The following SIK3 variants were observed in gnomAD, a reference collection of about 807,000 sequenced individuals.
The protein encoded by SIK3 is serine/threonine-protein kinase SIK3.
SIK3 carries 28 observed loss-of-function variants against 144.2 expected under a neutral mutation model. That is an observed-to-expected ratio of 0.19 (90% CI 0.14 to 0.27). The LOEUF (loss-of-function observed/expected upper bound fraction) is 0.27, where lower values mean the gene tolerates loss of function less well. Ranked by LOEUF, SIK3 falls within the 10% of genes least tolerant of loss-of-function variation. SIK3 has a pLI of 1.00. For synonymous variants in SIK3, 686 were observed against 676.3 expected, an observed-to-expected ratio of 1.01 and a Z score of -0.22; for missense variants, 1,319 against 1,776.0, an observed-to-expected ratio of 0.74 and a Z score of 4.62.
intron 1 of SIK3, among the ~76,000 whole-genome samples, chr11:117,013,951 T>TGTG (rs1350690829): frequency 5.2e-5 from 5 of 95,344 alleles, no homozygotes; most frequent in East Asian, 2.7e-4. Flanking sequence ...TGTGTGTGTG[T>TGTG]TTTATTTCTT....
intron 11 of SIK3, among the ~76,000 whole-genome samples, chr11:116,874,321 G>A (rs1210723945): frequency 2.0e-5 from 3 of 152,204 alleles, no homozygotes; most frequent in Non-Finnish European, 4.4e-5. Context: ...AGAGGAAATA[G>A]TGGCACCAGT....
intron 1 of SIK3, among the ~76,000 whole-genome samples, chr11:116,982,596 T>C (rs1173039357): frequency 6.6e-6 from 1 of 152,060 alleles, no homozygotes; most frequent in Non-Finnish European, 1.5e-5. Flanking sequence ...CCTCAATTAT[T>C]TTTCTTACAC....
chr11:116,934,840 G>A (rs1317855985), intron 3 of SIK3, among the ~76,000 whole-genome samples: 1 of 152,202 alleles, frequency 6.6e-6, no homozygotes, highest in Non-Finnish European at 1.5e-5. Context: ...AGCACTTTGG[G>A]AGGCAGAGGT....
rs1186757990 is a variant in SIK3, at chr11:116,845,080, C to A, written c.*563G>T. On this transcript the variant is annotated 3_prime_UTR_variant, in exon 25 of 25. Transcript: ENST00000445177. ...TTGTTTTCTAAGTGCCAGAAGCCGT[C>A]ACCCTTCCTCTCTCCCTTTGCCTGC... The A allele has an allele frequency of 2.6e-5, 4 of 152,122 alleles. No homozygotes were observed. 9.4% of individuals were successfully genotyped at this position (152,122 alleles called of 1,614,324 possible).
chr11:117,029,151 C>T (rs1400512563), intron 1 of SIK3, among the ~76,000 whole-genome samples: 2 of 152,154 alleles, frequency 1.3e-5, no homozygotes, highest in African/African-American at 2.4e-5. Flanking sequence ...TCAAGTGATC[C>T]GCCAACCTCG....
chr11:117,097,698 C>G (rs976780048), intron 1 of SIK3, among the ~76,000 whole-genome samples: 2 of 152,084 alleles, frequency 1.3e-5, no homozygotes, highest in African/African-American at 4.8e-5. Context: ...CCCTTACAAG[C>G]CCGGGTCTGC....
intron 1 of SIK3, among the ~76,000 whole-genome samples, chr11:117,088,962 G>A (rs752540721): frequency 2.6e-5 from 4 of 152,144 alleles, no homozygotes; most frequent in South Asian, 2.1e-4. Context: ...GATTACAGGC[G>A]TGAACCACTG....
At chr11:117,054,097 C>T (rs1205546617) in intron 1 of SIK3, among the ~76,000 whole-genome samples, 2 of 152,144 alleles carry the variant, frequency 1.3e-5, no homozygotes, top group East Asian at 3.8e-4. Context: ...GAGGGACTAA[C>T]TAATGTTGCC....
intron 1 of SIK3, among the ~76,000 whole-genome samples, chr11:116,983,231 A>C: frequency 6.7e-6 from 1 of 150,192 alleles, no homozygotes; most frequent in East Asian, 2.0e-4. Context: ...TGTCTCAAAA[A>C]AAAAAAAAAA....
intron 6 of SIK3, among the ~76,000 whole-genome samples, chr11:116,895,971 G>A (rs998754901): frequency 6.6e-6 from 1 of 152,172 alleles, no homozygotes; most frequent in African/African-American, 2.4e-5. Flanking sequence ...AATCCTTACA[G>A]TAATAGCAGC....
chr11:116,879,352 C>A (rs1366842863), intron 6 of SIK3, among the ~76,000 whole-genome samples: 4 of 152,182 alleles, frequency 2.6e-5, no homozygotes, highest in Admixed American at 2.6e-4. Context: ...TTACATTTAA[C>A]CTTCACAACA....
rs150797382 is a variant in SIK3, at chr11:117,057,261, G to A, written c.273+40882C>T. On this transcript the variant is annotated intron_variant, in intron 1 of 24. Coordinates refer to ENST00000445177, the MANE Select transcript of SIK3 (RefSeq NM_001366686.3). ...TAAAACGTTAAAGGAGGAAAAAATG[G>A]AAGACGTATACCTTTACTTTATGTA... Among the ~76,000 whole-genome samples the A allele has an allele frequency of 2.0e-3, 311 of 152,300 alleles. 3 individuals are homozygous for A. The highest frequency in any genetic ancestry group is 7.0e-3 in the African/African-American group (290 of 41,554).
intron 1 of SIK3, among the ~76,000 whole-genome samples, chr11:117,066,797 G>A (rs1954043898): frequency 6.6e-6 from 1 of 152,156 alleles, no homozygotes; most frequent in African/African-American, 2.4e-5. Context: ...GCCTCCCAAA[G>A]TGCTGGGATT....
Position 116,969,353 on chromosome 11 carries a change from C to T in SIK3, c.274-12289G>A, listed in dbSNP as rs142786535. Reference sequence around the variant, plus strand: ...ATATTGTTCTAGGAAAATAAGAGACCGTAAGTAACACATCCCCACCAAAAA... The same window carrying T: ...ATATTGTTCTAGGAAAATAAGAGACTGTAAGTAACACATCCCCACCAAAAA... On this transcript the variant is annotated intron_variant, in intron 1 of 24. Coordinates refer to ENST00000445177, the MANE Select transcript of SIK3 (RefSeq NM_001366686.3). Among the ~76,000 whole-genome samples, 1,071 of 149,334 alleles carry T rather than the reference C, an allele frequency of 7.2e-3. 14 individuals are homozygous for T. The highest frequency in any genetic ancestry group is 0.025 in the African/African-American group (997 of 40,518).
chr11:116,848,469 C>G lies in SIK3; in HGVS notation c.3819+651G>C, dbSNP rs183633582. Among the ~76,000 whole-genome samples, 298 of 152,332 alleles carry G rather than the reference C, an allele frequency of 2.0e-3. 1 individual carries two copies. The highest frequency in any genetic ancestry group is 6.2e-3 in the African/African-American group (257 of 41,578). On this transcript the variant is annotated intron_variant, in intron 22 of 24. Transcript: ENST00000445177. ...CACATGTGGCTAGCTACTAGACTAG[C>G]ACCACCCTAGGAAAACAAAACTTTG...
At chr11:116,940,190 A>G (rs80015203) in intron 3 of SIK3, among the ~76,000 whole-genome samples, 11,031 of 151,986 alleles carry the variant, frequency 0.073, 493 homozygotes, top group Middle Eastern at 0.11. Context: ...AGTAAATGTT[A>G]ATGTAGGAGC....
At chr11:117,091,646 C>T (rs1955253233) in intron 1 of SIK3, among the ~76,000 whole-genome samples, 1 of 152,154 alleles carries the variant, frequency 6.6e-6, no homozygotes, top group Non-Finnish European at 1.5e-5. Context: ...AATTTATGTG[C>T]AATTTATGTC....
chr11:116,979,945 G>A (rs944733780), intron 1 of SIK3, among the ~76,000 whole-genome samples: 6 of 152,128 alleles, frequency 3.9e-5, no homozygotes, highest in East Asian at 1.9e-4. Flanking sequence ...AGATGTTATC[G>A]TCTCATTCTC....
chr11:116,923,122 G>A (rs570020583), intron 4 of SIK3, among the ~76,000 whole-genome samples: 2 of 151,714 alleles, frequency 1.3e-5, no homozygotes, highest in African/African-American at 2.4e-5. Flanking sequence ...CACCACGTTG[G>A]CCAGGCTGGT....
Sources: gnomAD v4.1 joint callset for allele counts (sites outside exome capture counted in the v4.1 genomes callset) on GRCh38, gnomAD v4.1.1 for gene constraint, MANE v1.5 for transcripts, NCBI Gene and HGNC (gene_info 2026-07-23, HGNC 2026-07-21) for gene names.